CDH4: variants seen among roughly 807,000 people sequenced by gnomAD.
CDH4 encodes the protein cadherin-4.
Under a neutral mutation model 86.0 loss-of-function variants are expected in CDH4, and 33 were observed. The ratio of observed to expected loss-of-function variants is 0.38; its 90% confidence interval spans 0.29 to 0.51. The LOEUF is 0.51. CDH4 is among the 20% of genes least tolerant of loss of function. CDH4 has a pLI of 0.86. For synonymous variants in CDH4, 555 were observed against 549.4 expected, an observed-to-expected ratio of 1.01 and a Z score of -0.14; for missense variants, 1,114 against 1,307.4, an observed-to-expected ratio of 0.85 and a Z score of 2.28.
chr20:61,275,482 CAT>C (rs1018890804), intron 2 of CDH4, among the ~76,000 whole-genome samples: 6 of 113,998 alleles, frequency 5.3e-5, no homozygotes, highest in African/African-American at 1.8e-4. Flanking sequence ...GGGGGAGTAT[CAT>C]GTGCAGTTTG....
In CDH4 at chr20:61,924,417, G is replaced by A. The variant is rs750739023; in HGVS notation, c.1712G>A (p.Arg571His). The change falls in exon 11 of 16, where the codon CGT (arginine) becomes CAT (histidine). Residue 571 changes from arginine to histidine, a missense_variant. Physicochemically the swap from Arg to His is conservative, Grantham distance 29 (BLOSUM62 0). Around this residue, in one of 3 missense-constraint regions of CDH4, gnomAD observed 705 missense variants for 914.1 expected, o/e 0.77. Transcript: ENST00000614565. ...ATCACCACGGCGGCAGTGCTGGACCGTGAGTCCCTCTACACCAAAAACAAC... is the reference window on the plus strand; with the variant it reads ...ATCACCACGGCGGCAGTGCTGGACCATGAGTCCCTCTACACCAAAAACAAC... ...GQITTAAVLDRESLYTKNNVY... is the reference protein window; with the variant it reads ...GQITTAAVLDHESLYTKNNVY... 1.5e-5 allele frequency: 24 copies of A among 1,613,722 alleles called. 1 individual carries two copies. Among genetic ancestry groups the A allele is most frequent in the South Asian group, 1.1e-4 (10 of 91,078 alleles).
At position 61,939,018 on chromosome 20, in the gene CDH4, A is replaced by G. The variant is rs2055231678; in HGVS notation, c.*2075A>G. On this transcript the variant is annotated 3_prime_UTR_variant, in exon 16 of 16. Transcript: ENST00000614565. Reference sequence around the variant, plus strand: ...TGGCCAGGCCGCACCGGGGTCCCCGAGTTCTGAGCTGTGCTATGCAAACAA... The same window carrying G: ...TGGCCAGGCCGCACCGGGGTCCCCGGGTTCTGAGCTGTGCTATGCAAACAA... 1 of 152,390 alleles carries G rather than the reference A, an allele frequency of 6.6e-6. No homozygotes were observed. The highest frequency in any genetic ancestry group is 6.5e-5 in the Admixed American group (1 of 15,284). 9.4% of individuals were successfully genotyped at this position (152,390 alleles called of 1,614,324 possible). A position where few individuals can be genotyped will look rare whatever the true frequency, so the allele number is the denominator to read the frequency against.
chr20:61,648,516 G>A (rs538445852), intron 2 of CDH4, among the ~76,000 whole-genome samples: 17 of 152,288 alleles, frequency 1.1e-4, no homozygotes, highest in South Asian at 8.3e-4. Flanking sequence ...CCACTTTGTC[G>A]TCTAGACAGT....
chr20:61,547,731 T>C (rs1180978109), intron 2 of CDH4, among the ~76,000 whole-genome samples: 1 of 152,232 alleles, frequency 6.6e-6, no homozygotes, highest in East Asian at 1.9e-4. Flanking sequence ...TTTTCCCACC[T>C]GAGGCTGCCT....
chr20:61,909,634 C>T (rs1335560300), intron 8 of CDH4, among the ~76,000 whole-genome samples: 5 of 152,326 alleles, frequency 3.3e-5, no homozygotes, highest in South Asian at 2.1e-4. Context: ...CCATCTCCCA[C>T]GGCCTCCCCT....
chr20:61,797,648 G>A (rs888793529), intron 4 of CDH4, among the ~76,000 whole-genome samples: 3 of 152,116 alleles, frequency 2.0e-5, no homozygotes, highest in African/African-American at 7.2e-5. Context: ...ATTGCCAGGC[G>A]TGGTGGGGCA....
At chr20:61,869,097 T>C (rs1485777050) in intron 6 of CDH4, among the ~76,000 whole-genome samples, 1 of 152,262 alleles carries the variant, frequency 6.6e-6, no homozygotes, top group Admixed American at 6.5e-5. Flanking sequence ...TTTCCTATGA[T>C]TTTGATGGTA....
At position 61,708,392 on chromosome 20, in the gene CDH4, G is replaced by C. The variant is rs2087855159; in HGVS notation, c.170-35171G>C. Among the ~76,000 whole-genome samples, 1 of 151,632 alleles carries C rather than the reference G, an allele frequency of 6.6e-6. No homozygotes were observed. The highest frequency in any genetic ancestry group is 2.4e-5 in the African/African-American group (1 of 41,180). ...CCACCCTCCACTCTCCACGTTGGCT[G>C]CCTCAGTCTGGGTCACAGACACAGG... On this transcript the variant is annotated intron_variant, in intron 2 of 15. Transcript: ENST00000614565. The surrounding 1 kb of genome is among the most constrained non-coding windows in gnomAD (Gnocchi z 4.5).
intron 2 of CDH4, among the ~76,000 whole-genome samples, chr20:61,564,407 A>G (rs2086246320): frequency 6.6e-6 from 1 of 152,182 alleles, no homozygotes; most frequent in Non-Finnish European, 1.5e-5. Context: ...TCTTGGGGGT[A>G]GATCCCTCAT....
intron 4 of CDH4, among the ~76,000 whole-genome samples, chr20:61,781,570 A>G (rs1156426002): frequency 1.3e-5 from 2 of 152,246 alleles, no homozygotes; most frequent in Non-Finnish European, 2.9e-5. Context: ...AGATGGATCA[A>G]TACAATTATC....
At chr20:61,521,784 G>A (rs374441882) in intron 2 of CDH4, among the ~76,000 whole-genome samples, 6 of 152,230 alleles carry the variant, frequency 3.9e-5, no homozygotes, top group Admixed American at 1.3e-4. Context: ...GAGCCCGGCC[G>A]TCTGTATCTC....
intron 2 of CDH4, among the ~76,000 whole-genome samples, chr20:61,565,221 T>TGGTGGTGCTCTTGGTGATGGGG (rs1414076004): frequency 2.5e-5 from 1 of 40,548 alleles, no homozygotes; most frequent in East Asian, 4.8e-4. Flanking sequence ...CTCTCGGTGG[T>TGGTGGTGCTCTTGGTGATGGGG]AGGTGGTGGT....
intron 2 of CDH4, among the ~76,000 whole-genome samples, chr20:61,607,910 A>G (rs2086657384): frequency 6.6e-6 from 1 of 152,226 alleles, no homozygotes; most frequent in Non-Finnish European, 1.5e-5. Context: ...CGTGTCTCAC[A>G]GTGCAGAGTC....
chr20:61,561,471 TC>T (rs1275071164), intron 2 of CDH4, among the ~76,000 whole-genome samples: 16 of 152,200 alleles, frequency 1.1e-4, no homozygotes, highest in African/African-American at 1.7e-4. Flanking sequence ...CCTCTTCCCG[TC>T]TCCTCCAAGT....
intron 2 of CDH4, among the ~76,000 whole-genome samples, chr20:61,413,086 C>T (rs80284313): frequency 0.014 from 2,174 of 152,262 alleles, 55 homozygotes; most frequent in African/African-American, 0.049. Context: ...ACACCCTTCC[C>T]GGTCTTTGCA....
intron 6 of CDH4, among the ~76,000 whole-genome samples, chr20:61,857,705 G>A (rs994668736): frequency 2.6e-5 from 4 of 152,268 alleles, no homozygotes; most frequent in African/African-American, 9.6e-5. Flanking sequence ...GATAATTGTA[G>A]AGTCACATGC....
intron 3 of CDH4, among the ~76,000 whole-genome samples, chr20:61,746,018 A>G (rs2088410183): frequency 6.6e-6 from 1 of 152,212 alleles, no homozygotes; most frequent in African/African-American, 2.4e-5. Context: ...GGAAGCACCC[A>G]ACCAGCGGAG....
chr20:61,600,803 C>A (rs188514979), intron 2 of CDH4, among the ~76,000 whole-genome samples: 1 of 152,308 alleles, frequency 6.6e-6, no homozygotes, highest in East Asian at 1.9e-4. Flanking sequence ...TAGACTGTGT[C>A]TTTTATTATT....
intron 2 of CDH4, among the ~76,000 whole-genome samples, chr20:61,596,513 G>T (rs542571094): frequency 6.6e-6 from 1 of 152,178 alleles, no homozygotes; most frequent in Non-Finnish European, 1.5e-5. Context: ...GGCCATGAGT[G>T]GTGCTCATCC....
Sources: allele counts gnomAD v4.1 joint callset (sites outside exome capture counted in the v4.1 genomes callset), GRCh38; gene constraint gnomAD v4.1.1; regional missense constraint gnomAD v4.1.1; non-coding constraint Gnocchi (gnomAD v3.1); transcripts MANE v1.5; gene names NCBI Gene and HGNC (gene_info 2026-07-23, HGNC 2026-07-21).